The following NLGN1 variants were observed in gnomAD, a reference collection of about 807,000 sequenced individuals.
NLGN1 encodes the protein neuroligin 1, also known as neuroligin-1.
NLGN1 carries 12 observed loss-of-function variants against 65.5 expected under a neutral mutation model. That is an observed-to-expected ratio of 0.18 (90% confidence interval 0.12 to 0.30). The LOEUF (loss-of-function observed/expected upper bound fraction) is 0.30. Ranked by LOEUF, NLGN1 falls within the 10% of genes least tolerant of loss-of-function variation. The pLI is 1.00. For missense variants in NLGN1, 750 were observed against 1,007.1 expected (o/e 0.74, Z 3.46); for synonymous variants, 350 against 359.5 (o/e 0.97, Z 0.30).
At chr3:173,668,417 C>T (rs921973076) in intron 3 of NLGN1, among the ~76,000 whole-genome samples, 5 of 151,818 alleles carry the variant, frequency 3.3e-5, no homozygotes, top group African/African-American at 1.2e-4. Flanking sequence ...TAGTGAAAAA[C>T]GAAGAAATGA....
intron 4 of NLGN1, among the ~76,000 whole-genome samples, chr3:174,101,031 C>T (rs1037041415): frequency 1.3e-5 from 2 of 152,020 alleles, no homozygotes; most frequent in African/African-American, 4.8e-5. Flanking sequence ...TTTTCAAAAC[C>T]CATGTCTGCC....
intron 4 of NLGN1, among the ~76,000 whole-genome samples, chr3:174,046,349 C>T (rs749508650): frequency 5.3e-5 from 8 of 151,600 alleles, no homozygotes; most frequent in African/African-American, 1.2e-4. Context: ...TCAGTCATGG[C>T]TGCATTTAAT....
intron 4 of NLGN1, among the ~76,000 whole-genome samples, chr3:173,834,870 CAG>C (rs1723295362): frequency 6.6e-6 from 1 of 152,070 alleles, no homozygotes; most frequent in African/African-American, 2.4e-5. Context: ...CGAAACTCAA[CAG>C]GGGATATAAC....
chr3:173,935,959 T>C (rs1462398923), intron 4 of NLGN1, among the ~76,000 whole-genome samples: 1 of 151,958 alleles, frequency 6.6e-6, no homozygotes, highest in Non-Finnish European at 1.5e-5. Flanking sequence ...CAAAAGCTGT[T>C]CTGAGCAAGT....
At chr3:173,571,157 T>C (rs1375700583) in intron 2 of NLGN1, among the ~76,000 whole-genome samples, 1 of 152,198 alleles carries the variant, frequency 6.6e-6, no homozygotes, top group Non-Finnish European at 1.5e-5. Flanking sequence ...GTTCAAAGGT[T>C]GGATTTTTAT....
intron 4 of NLGN1, among the ~76,000 whole-genome samples, chr3:173,834,208 A>G (rs942756796): frequency 6.6e-6 from 1 of 152,102 alleles, no homozygotes; most frequent in East Asian, 1.9e-4. Flanking sequence ...ATTCTGTTCT[A>G]TCTTTTAAAT....
chr3:173,914,882 T>C (rs1172906159), intron 4 of NLGN1: 5 of 152,144 alleles, frequency 3.3e-5, no homozygotes, highest in Non-Finnish European at 7.4e-5. Flanking sequence ...GTTAAAAGAG[T>C]GTCATACTTT....
chr3:174,055,162 T>C lies in NLGN1; in HGVS notation c.647-220153T>C, dbSNP rs528071036. ...TTAAAGGAGCTTGCTTTTTTTTTTT[T>C]TTTTTTTCTGTCCAGTGCCTAAAAT... On this transcript the variant is annotated intron_variant, in intron 4 of 6. Transcript: ENST00000457714. Among the ~76,000 whole-genome samples the C allele has an allele frequency of 4.0e-5, 6 of 151,432 alleles. No homozygotes were observed. The East Asian group carries it at 1.2e-3, about 29-fold the overall frequency.
chr3:173,728,611 C>T (rs1187906178), intron 3 of NLGN1, among the ~76,000 whole-genome samples: 1 of 151,948 alleles, frequency 6.6e-6, no homozygotes, highest in African/African-American at 2.4e-5. Context: ...ATGAGTCATG[C>T]TTGATTAGAG....
At chr3:174,231,213 T>C (rs1740637659) in intron 4 of NLGN1, among the ~76,000 whole-genome samples, 1 of 152,190 alleles carries the variant, frequency 6.6e-6, no homozygotes, top group South Asian at 2.1e-4. Context: ...CCGAATTAAA[T>C]TTAAGAAGTT....
At chr3:174,088,367 A>T (rs1463292575) in intron 4 of NLGN1, among the ~76,000 whole-genome samples, 1 of 152,194 alleles carries the variant, frequency 6.6e-6, no homozygotes, top group Non-Finnish European at 1.5e-5. Context: ...ACAAGTTCCC[A>T]TTTTACTGCC....
intron 4 of NLGN1, among the ~76,000 whole-genome samples, chr3:173,952,009 T>C (rs1748312181): frequency 6.6e-6 from 1 of 152,202 alleles, no homozygotes; most frequent in Non-Finnish European, 1.5e-5. Flanking sequence ...GTTGAGAACA[T>C]TTAATATTGC....
chr3:174,280,713 A>G lies in NLGN1; in HGVS notation c.1882A>G (p.Lys628Glu), dbSNP rs755803669. The G allele has an allele frequency of 6.2e-7, 1 of 1,613,394 alleles. No homozygotes were observed. The highest frequency in any genetic ancestry group is 8.5e-7 in the Non-Finnish European group (1 of 1,179,562). Residue 628 changes from lysine to glutamate, a missense_variant, in exon 7 of 7, where the codon AAA becomes GAA. Transcript: ENST00000457714. The surrounding 1 kb of genome is among the most constrained non-coding windows in gnomAD (Gnocchi z 4.9). ...TTCTCAGTATACCTCTACAACAACTAAAGTGCCATCAACTGACATCACTTT... is the reference window on the plus strand; with the variant it reads ...TTCTCAGTATACCTCTACAACAACTGAAGTGCCATCAACTGACATCACTTT...
chr3:173,893,220 C>A (rs1441437690), intron 4 of NLGN1, among the ~76,000 whole-genome samples: 5 of 152,146 alleles, frequency 3.3e-5, no homozygotes, highest in Non-Finnish European at 7.3e-5. Context: ...TCCATCTAGT[C>A]ACCCAAGCCA....
At chr3:173,943,239 TAATG>T in intron 4 of NLGN1, among the ~76,000 whole-genome samples, 1 of 150,926 alleles carries the variant, frequency 6.6e-6, no homozygotes, top group Non-Finnish European at 1.5e-5. Context: ...CAAAAAAAAA[TAATG>T]AAGGGTATAA....
chr3:173,946,850 T>C (rs1747257228), intron 4 of NLGN1, among the ~76,000 whole-genome samples: 1 of 152,168 alleles, frequency 6.6e-6, no homozygotes, highest in African/African-American at 2.4e-5. Flanking sequence ...TGTTTAATGG[T>C]CATTTCATTG....
At chr3:173,781,324 G>A (rs1041649432) in intron 3 of NLGN1, among the ~76,000 whole-genome samples, 5 of 151,888 alleles carry the variant, frequency 3.3e-5, no homozygotes, top group Admixed American at 1.3e-4. Flanking sequence ...ACTTTTTTCT[G>A]TGCAAATAGG....
intron 3 of NLGN1, among the ~76,000 whole-genome samples, chr3:173,688,718 T>G (rs907580620): frequency 6.6e-6 from 1 of 152,206 alleles, no homozygotes; most frequent in African/African-American, 2.4e-5. Context: ...AAAAATTAAC[T>G]GAGCATCCCA....
intron 4 of NLGN1, among the ~76,000 whole-genome samples, chr3:173,827,629 A>ATG (rs59670610): frequency 0.13 from 19,074 of 146,676 alleles, 1,669 homozygotes; most frequent in East Asian, 0.46. Flanking sequence ...TATTTATGAT[A>ATG]TGTGTGTGTG....
Sources: allele counts gnomAD v4.1 joint callset (sites outside exome capture counted in the v4.1 genomes callset), GRCh38; gene constraint gnomAD v4.1.1; non-coding constraint Gnocchi (gnomAD v3.1); transcripts MANE v1.5; gene names NCBI Gene and HGNC (gene_info 2026-07-23, HGNC 2026-07-21).